The following PCDH11X variants were observed in gnomAD, a reference collection of about 807,000 sequenced individuals.
PCDH11X encodes the protein protocadherin-11 X-linked.
PCDH11X carries 18 observed loss-of-function variants against 53.3 expected under a neutral mutation model. The ratio of observed to expected loss-of-function variants is 0.34; its 90% CI spans 0.23 to 0.50. PCDH11X has a LOEUF of 0.50. PCDH11X is among the 20% of genes least tolerant of loss of function. PCDH11X has a pLI of 0.98. For missense variants in PCDH11X, 570 were observed against 1,032.4 expected, an observed-to-expected ratio of 0.55 and a Z score of 6.14; for synonymous variants, 279 against 393.3, an observed-to-expected ratio of 0.71 and a Z score of 3.44.
At chrX:91,846,452 C>G (rs374843479) in intron 5 of PCDH11X, among the ~76,000 whole-genome samples, 2 of 109,529 alleles carry the variant, frequency 1.8e-5, no homozygotes, top group African/African-American at 6.6e-5. Context: ...CAAGTCTCTA[C>G]TAAAAATACA....
At chrX:92,369,573 T>C (rs2070563239) in intron 8 of PCDH11X, among the ~76,000 whole-genome samples, 1 of 111,098 alleles carries the variant, frequency 9.0e-6, no homozygotes, top group African/African-American at 3.3e-5. Flanking sequence ...AAAAGACTCT[T>C]GCAGCTAGGT....
Position 92,224,351 on chromosome X carries a change from A to AT in PCDH11X, c.3114+22905dup, listed in dbSNP as rs200432522. Among the ~76,000 whole-genome samples the AT allele has an allele frequency of 7.2e-3, 802 of 111,005 alleles. 8 individuals are homozygous for AT. Among genetic ancestry groups the AT allele is most frequent in the African/African-American group, 0.025 (763 of 30,549 alleles). On this transcript the variant is annotated intron_variant, in intron 7 of 10. Coordinates refer to ENST00000682573, the MANE Select transcript of PCDH11X (RefSeq NM_032968.5). Reference sequence around the variant, plus strand: ...AGAGAATGTTTGTGGGAGATATTAGATTTTTTTTTAAATAGACTTTTTTGA... The same window carrying AT: ...AGAGAATGTTTGTGGGAGATATTAGATTTTTTTTTTAAATAGACTTTTTTGA...
At position 92,440,577 on chromosome X, in the gene PCDH11X, T is replaced by C. The variant is rs2072491710; in HGVS notation, c.3344-27722T>C. ...ATGGTTTTAAAAAGAGGAGTTCCCC[T>C]GCACAAGCTCTCTCTGCCTGCTGCC... On this transcript the variant is annotated intron_variant, in intron 9 of 10. Transcript: ENST00000682573. Among the ~76,000 whole-genome samples the C allele has an allele frequency of 4.6e-5, 5 of 109,812 alleles. No individual in the cohort carries two copies. The South Asian group carries it at 2.0e-3, about 45-fold the overall frequency.
intron 8 of PCDH11X, among the ~76,000 whole-genome samples, chrX:92,324,796 G>C (rs972517415): frequency 2.1e-5 from 2 of 95,628 alleles, no homozygotes; most frequent in Non-Finnish European, 4.2e-5. Flanking sequence ...CATGGTACCC[G>C]ATAAGCAGTT....
chrX:92,001,619 C>T (rs1320619269), intron 6 of PCDH11X, among the ~76,000 whole-genome samples: 4 of 108,470 alleles, frequency 3.7e-5, no homozygotes, highest in Non-Finnish European at 7.7e-5. Flanking sequence ...CAGGCATGCA[C>T]CACCATGCCT....
At chrX:92,211,036 G>A (rs112777229) in intron 7 of PCDH11X, among the ~76,000 whole-genome samples, 18,423 of 110,964 alleles carry the variant, frequency 0.17, 1,313 homozygotes, top group Admixed American at 0.29. Flanking sequence ...AGTCACTTCT[G>A]CATTTTCAGA....
At chrX:92,507,044 G>A (rs187029451) in intron 10 of PCDH11X, among the ~76,000 whole-genome samples, 1 of 110,618 alleles carries the variant, frequency 9.0e-6, no homozygotes, top group African/African-American at 3.3e-5. Flanking sequence ...TCTCTGTGTT[G>A]TATGTCTCTG....
chrX:92,330,673 A>C (rs1393284535), intron 8 of PCDH11X, among the ~76,000 whole-genome samples: 1 of 111,626 alleles, frequency 9.0e-6, no homozygotes, highest in African/African-American at 3.3e-5. Context: ...GTCCATCAAC[A>C]GTAAAATTAA....
At chrX:92,442,544 A>G (rs1415443013) in intron 9 of PCDH11X, among the ~76,000 whole-genome samples, 1 of 111,594 alleles carries the variant, frequency 9.0e-6, no homozygotes, top group East Asian at 2.8e-4. Context: ...GATGTGCACC[A>G]TGATTGTGAG....
intron 10 of PCDH11X, among the ~76,000 whole-genome samples, chrX:92,538,174 A>C (rs1434180992): frequency 9.2e-6 from 1 of 108,708 alleles, no homozygotes; most frequent in Non-Finnish European, 1.9e-5. Context: ...GTTGAATATA[A>C]GTAAATATAT....
chrX:92,397,457 A>G (rs2071271799), intron 9 of PCDH11X, among the ~76,000 whole-genome samples: 1 of 109,420 alleles, frequency 9.1e-6, no homozygotes, highest in African/African-American at 3.4e-5. Context: ...TTTGATTTGA[A>G]GAAGGAGTCA....
chrX:91,985,683 C>T (rs1197497462), intron 6 of PCDH11X, among the ~76,000 whole-genome samples: 4 of 111,479 alleles, frequency 3.6e-5, no homozygotes, highest in Admixed American at 1.9e-4. Flanking sequence ...TGCTTATATC[C>T]GGACTTAACT....
At chrX:91,880,931 A>G (rs1306518334) in intron 6 of PCDH11X, among the ~76,000 whole-genome samples, 1 of 109,989 alleles carries the variant, frequency 9.1e-6, no homozygotes, top group Non-Finnish European at 1.9e-5. Context: ...GACTAACACT[A>G]CATGATTTGG....
intron 6 of PCDH11X, among the ~76,000 whole-genome samples, chrX:91,902,475 T>G (rs1214912653): frequency 9.8e-6 from 1 of 101,717 alleles, no homozygotes; most frequent in Admixed American, 1.1e-4. Flanking sequence ...TTTTTCTGTG[T>G]GGTAATTTCA....
intron 10 of PCDH11X, among the ~76,000 whole-genome samples, chrX:92,484,765 A>G (rs1450615274): frequency 9.0e-6 from 1 of 110,855 alleles, no homozygotes; most frequent in Non-Finnish European, 1.9e-5. Flanking sequence ...ATAAAAGACT[A>G]CACATTGAGT....
intron 6 of PCDH11X, among the ~76,000 whole-genome samples, chrX:92,170,453 G>A (rs1311962113): frequency 3.6e-5 from 4 of 110,561 alleles, no homozygotes; most frequent in South Asian, 3.8e-4. Flanking sequence ...AGAAAATATA[G>A]TAGTAGTTCC....
intron 7 of PCDH11X, among the ~76,000 whole-genome samples, chrX:92,249,632 C>T (rs2067419630): frequency 8.9e-6 from 1 of 112,091 alleles, no homozygotes; most frequent in Non-Finnish European, 1.9e-5. Flanking sequence ...ACTGTGTCTC[C>T]TGCTAAGAAG....
At chrX:92,469,815 T>C (rs2073225663) in intron 10 of PCDH11X, among the ~76,000 whole-genome samples, 1 of 110,399 alleles carries the variant, frequency 9.1e-6, no homozygotes, top group African/African-American at 3.3e-5. Context: ...AGCTCTGTAG[T>C]ATAATTTGAC....
At chrX:92,080,625 AG>A (rs1248016634) in intron 6 of PCDH11X, among the ~76,000 whole-genome samples, 1 of 108,592 alleles carries the variant, frequency 9.2e-6, no homozygotes, top group African/African-American at 3.4e-5. Context: ...CTACCTTCTT[AG>A]GGATTTTTGG....
Sources: allele counts gnomAD v4.1 joint callset (sites outside exome capture counted in the v4.1 genomes callset), GRCh38; gene constraint gnomAD v4.1.1; transcripts MANE v1.5; gene names NCBI Gene and HGNC (gene_info 2026-07-23, HGNC 2026-07-21).